DCAF17: variants seen among roughly 807,000 people sequenced by gnomAD.
DCAF17 encodes the protein DDB1- and CUL4-associated factor 17.
A neutral mutation model predicts 66.0 loss-of-function variants in DCAF17; 48 were observed. The ratio of observed to expected loss-of-function variants is 0.73; its 90% CI spans 0.58 to 0.92. DCAF17 has a LOEUF of 0.92. DCAF17 is among the 40% of genes least tolerant of loss of function. The pLI is 0.00. For missense variants in DCAF17, 562 were observed against 622.8 expected, an observed-to-expected ratio of 0.90 and a Z score of 1.04; for synonymous variants, 206 against 214.6, an observed-to-expected ratio of 0.96 and a Z score of 0.35.
rs1478787377 is a variant in DCAF17, at chr2:171,483,500, T to C, written c.*2386T>C. ...GCAAGCTTATTGTTCCTCAATTTTT[T>C]ACAATATTTATCACAACTCTGGGAG... On this transcript the variant is annotated 3_prime_UTR_variant, in exon 14 of 14. Coordinates refer to ENST00000375255, the MANE Select transcript of DCAF17 (RefSeq NM_025000.4). 2.9e-5 allele frequency: 13 copies of C among 454,036 alleles called. No homozygotes were observed. Among genetic ancestry groups the C allele is most frequent in the Non-Finnish European group, 5.7e-5 (13 of 226,802 alleles). 28.1% of individuals were successfully genotyped at this position (454,036 alleles called of 1,614,324 possible).
chr2:171,446,465 G>C, intron 3 of DCAF17, among the ~76,000 whole-genome samples: 1 of 152,026 alleles, frequency 6.6e-6, no homozygotes, highest in East Asian at 1.9e-4. Flanking sequence ...AGAATCGCTT[G>C]AACCTGGGAG....
Position 171,468,652 on chromosome 2 carries a change from C to T in DCAF17, c.839-236C>T, listed in dbSNP as rs10515933. ...TCTACTCACCTGCGGGCCACATATA[C>T]CTCCTGAAAACAGATACCTAGAAAG... On this transcript the variant is annotated intron_variant, in intron 8 of 13. Transcript: ENST00000375255. Among the ~76,000 whole-genome samples the T allele has an allele frequency of 0.2, 30,751 of 152,132 alleles. 3,248 individuals are homozygous for T. Among genetic ancestry groups the T allele is most frequent in the South Asian group, 0.28 (1,358 of 4,822 alleles).
rs919044834 is a variant in DCAF17 at position 171,454,758 on chromosome 2, G to A, written c.627+1545G>A. 4.6e-5 allele frequency among the ~76,000 whole-genome samples: 7 copies of A among 151,958 alleles called. No individual in the cohort carries two copies. In the South Asian group the frequency reaches 1.3e-3, roughly 27 times the overall value. Reference sequence around the variant, plus strand: ...CTAAAAATATAAAAATTAGCCACGGGTGGTAGTGCACACCTGTAGTCCCAG... The same window carrying A: ...CTAAAAATATAAAAATTAGCCACGGATGGTAGTGCACACCTGTAGTCCCAG... On this transcript the variant is annotated intron_variant, in intron 6 of 13. Coordinates refer to ENST00000375255, the MANE Select transcript of DCAF17 (RefSeq NM_025000.4).
At chr2:171,478,124 A>C (rs1696583062) in intron 12 of DCAF17, 54 bp downstream of exon 12, 1 of 1,464,160 alleles carries the variant, frequency 6.8e-7, no homozygotes, top group Admixed American at 1.7e-5. Context: ...TGCATTGTGA[A>C]TTTCATATTA....
rs752103736 is a variant in DCAF17, at chr2:171,481,171, G to A, written c.*57G>A. On this transcript the variant is annotated 3_prime_UTR_variant, in exon 14 of 14. Transcript: ENST00000375255. ...TTTAGCCAAACACCCCAGCAGCTGC[G>A]TCCAATCCATTTTATTATCTGCATG... 1.9e-5 allele frequency: 31 copies of A among 1,606,844 alleles called. No individual in the cohort carries two copies. The highest frequency in any genetic ancestry group is 3.3e-5 in the Admixed American group (2 of 59,882).
At chr2:171,446,227 A>T (rs1268525199) in intron 3 of DCAF17, among the ~76,000 whole-genome samples, 1 of 152,166 alleles carries the variant, frequency 6.6e-6, no homozygotes, top group East Asian at 1.9e-4. Context: ...TAGCAAAATG[A>T]TTCATTCCAA....
chr2:171,463,129 G>A (rs1001689723), intron 8 of DCAF17, among the ~76,000 whole-genome samples: 1 of 151,886 alleles, frequency 6.6e-6, no homozygotes, highest in Non-Finnish European at 1.5e-5. Context: ...TACTCAGGAG[G>A]CTGAGGCACG....
chr2:171,453,321 A>T lies in DCAF17; in HGVS notation c.627+108A>T, dbSNP rs1444879686. 13 of 821,732 alleles carry T rather than the reference A, an allele frequency of 1.6e-5. No homozygotes were observed. In the Admixed American group the frequency reaches 2.9e-4, roughly 19 times the overall value. The allele number at this position is 821,732 out of a possible 1,614,324, so 50.9% of individuals were successfully genotyped here. ...TGATTGGAAATGCTCCCCTCACTAT[A>T]AAAAGTTCACTAACTTGGTTTATTT... On this transcript the variant is annotated intron_variant, in intron 6 of 13. Coordinates refer to ENST00000375255, the MANE Select transcript of DCAF17 (RefSeq NM_025000.4).
chr2:171,471,212 C>G (rs1332565042), intron 9 of DCAF17, among the ~76,000 whole-genome samples: 1 of 152,162 alleles, frequency 6.6e-6, no homozygotes, highest in African/African-American at 2.4e-5. Context: ...AATTTTATCA[C>G]TGTGACATTG....
chr2:171,484,305 A>G lies in DCAF17; in HGVS notation c.*3191A>G, dbSNP rs1178628646. On this transcript the variant is annotated 3_prime_UTR_variant, in exon 14 of 14. Transcript: ENST00000375255. The stretch of plus-strand genomic sequence containing the variant: ...CTGTATCTTGCAGAAAGAATAATTT[A>G]TTTCAAACAAGGGACATACAATAGA... 4.7e-6 allele frequency: 2 copies of G among 427,916 alleles called. No individual in the cohort carries two copies. The highest frequency in any genetic ancestry group is 9.1e-6 in the Non-Finnish European group (2 of 219,854). 26.5% of individuals were successfully genotyped at this position (427,916 alleles called of 1,614,324 possible).
intron 9 of DCAF17, among the ~76,000 whole-genome samples, chr2:171,470,429 A>T (rs945920534): frequency 5.3e-5 from 8 of 152,174 alleles, no homozygotes; most frequent in African/African-American, 1.9e-4. Context: ...GCAGGTCAGC[A>T]TAGCGTTGGG....
At position 171,473,965 on chromosome 2, in the gene DCAF17, A is replaced by G. The variant is rs1346320664; in HGVS notation, c.1081A>G (p.Asn361Asp). 23 of 1,613,096 alleles carry G rather than the reference A, an allele frequency of 1.4e-5. No homozygotes were observed. The highest frequency in any genetic ancestry group is 1.9e-5 in the Non-Finnish European group (22 of 1,179,376). Residue 361 changes from asparagine to aspartate, a missense_variant, in exon 10 of 14, where the codon AAT becomes GAT. Coordinates refer to ENST00000375255, the MANE Select transcript of DCAF17 (RefSeq NM_025000.4). ...TGGTAGAATAATACATGTTGGTCCA[A>G]ATCAAGTCAAGTGAGTAATCTCATT... ...ASGRIIHVGP[N>D]QVKVLKLTEI...
chr2:171,450,220 G>A, intron 5 of DCAF17: 1 of 401,794 alleles, frequency 2.5e-6, no homozygotes, highest in Non-Finnish European at 4.7e-6. Context: ...AATTTACTCT[G>A]GAGACTCGGG....
intron 8 of DCAF17, among the ~76,000 whole-genome samples, chr2:171,467,966 G>C (rs1016605508): frequency 6.6e-6 from 1 of 152,104 alleles, no homozygotes; most frequent in African/African-American, 2.4e-5. Flanking sequence ...AATAGTAGTG[G>C]CCTCATAAAC....
In DCAF17 at chr2:171,448,677, T is replaced by G. The variant is rs1694778957; in HGVS notation, c.322-4T>G. 1 of 1,560,158 alleles carries G rather than the reference T, an allele frequency of 6.4e-7. No homozygotes were observed. The highest frequency in any genetic ancestry group is 1.2e-5 in the South Asian group (1 of 81,122). On this transcript the variant is annotated splice_polypyrimidine_tract_variant and splice_region_variant and intron_variant, in intron 3 of 13. Transcript: ENST00000375255. ...CATTTTTATATCTCTCTTTTTTTTT[T>G]TAGGGAGATATACTTCCCAATTCAT...
chr2:171,462,384 G>A (rs1020941347), intron 8 of DCAF17, among the ~76,000 whole-genome samples: 4 of 152,038 alleles, frequency 2.6e-5, no homozygotes, highest in Non-Finnish European at 5.9e-5. Context: ...GAAAAGGAGT[G>A]ATAACACAAT....
rs749100873 is a variant in DCAF17 at position 171,448,756 on chromosome 2, A to G, written c.397A>G (p.Ile133Val). 1.2e-6 allele frequency: 2 copies of G among 1,613,338 alleles called. No individual in the cohort carries two copies. Among genetic ancestry groups the G allele is most frequent in the Non-Finnish European group, 1.7e-6 (2 of 1,179,586 alleles). Residue 133 changes from isoleucine (I) to valine (V), a missense_variant, in exon 4 of 14, where the codon ATA (isoleucine) becomes GTA (valine). By Grantham distance (29) the Ile-to-Val change is conservative. Coordinates refer to ENST00000375255, the MANE Select transcript of DCAF17 (RefSeq NM_025000.4). ...ALTAHNWLLR[I>V]SATTGKILEK... ...GACTGCTCATAATTGGCTACTTCGT[A>G]TATCAGCAACTACGGGAAAAATCCT... is the stretch of plus-strand genomic sequence containing the variant.
At chr2:171,479,389 C>T (rs1022297000) in intron 12 of DCAF17, among the ~76,000 whole-genome samples, 1 of 152,170 alleles carries the variant, frequency 6.6e-6, no homozygotes, top group African/African-American at 2.4e-5. Context: ...AGGTTTTCTT[C>T]CTTGAGACAC....
At chr2:171,477,406 G>A (rs1202602037) in intron 11 of DCAF17, among the ~76,000 whole-genome samples, 1 of 152,090 alleles carries the variant, frequency 6.6e-6, no homozygotes, top group Non-Finnish European at 1.5e-5. Flanking sequence ...TATATACTAA[G>A]GCAAAAGTCA....
Sources: gnomAD v4.1 joint callset for allele counts (sites outside exome capture counted in the v4.1 genomes callset) on GRCh38, gnomAD v4.1.1 for gene constraint, MANE v1.5 for transcripts, NCBI Gene and HGNC (gene_info 2026-07-23, HGNC 2026-07-21) for gene names.